Variants in MYLK4 observed in about 807,000 individuals in gnomAD.
MYLK4 encodes the protein caMLCK like.
MYLK4 carries 46 observed loss-of-function variants against 48.1 expected under a neutral mutation model. The observed-to-expected ratio is 0.96, with a 90% CI of 0.75 to 1.22. The LOEUF is 1.22. MYLK4 is among the 50% of genes most tolerant of loss of function. MYLK4 has a pLI of 0.00. For synonymous variants in MYLK4, 170 were observed against 180.8 expected (o/e 0.94, Z 0.48); for missense variants, 451 against 486.1 (o/e 0.93, Z 0.68).
chr6:2,762,057 T>G, the MYLK4 span, among the ~76,000 whole-genome samples: 24,706 of 151,980 alleles, frequency 0.16, 2,240 homozygotes, highest in South Asian at 0.24. Flanking sequence ...GACTACAGGC[T>G]CGCACCGCCA....
At chr6:2,707,601 T>C (rs1762538500) in intron 2 of MYLK4, among the ~76,000 whole-genome samples, 1 of 152,226 alleles carries the variant, frequency 6.6e-6, no homozygotes, top group Non-Finnish European at 1.5e-5. Flanking sequence ...TAAGTTCAGT[T>C]CCCAGGTAGA....
the MYLK4 span, among the ~76,000 whole-genome samples, chr6:2,762,158 CCT>C: frequency 6.6e-6 from 1 of 152,166 alleles, no homozygotes; most frequent in Non-Finnish European, 1.5e-5. Flanking sequence ...GATTCGCCCG[CCT>C]CAGCCTCCCA....
At chr6:2,765,199 TC>T in the MYLK4 span, among the ~76,000 whole-genome samples, 3 of 57,538 alleles carry the variant, frequency 5.2e-5, no homozygotes, top group South Asian at 6.7e-4. Flanking sequence ...CCCCCGCCCC[TC>T]CCCCGCCCCC....
At chr6:2,727,487 C>A (rs1030479969) in intron 2 of MYLK4, among the ~76,000 whole-genome samples, 2 of 152,088 alleles carry the variant, frequency 1.3e-5, no homozygotes, top group Non-Finnish European at 2.9e-5. Context: ...GGGAACCCCC[C>A]CAAAGACAGC....
intron 2 of MYLK4, chr6:2,744,075 T>A (rs1466587573): frequency 5.0e-6 from 2 of 398,830 alleles, no homozygotes; most frequent in Admixed American, 4.4e-5. Context: ...GGCTTATATG[T>A]TCCTTCCCTG....
At chr6:2,680,124 A>T (rs1761234461) in intron 8 of MYLK4, 97 bp downstream of exon 8, 1 of 1,341,434 alleles carries the variant, frequency 7.5e-7, no homozygotes, top group Admixed American at 2.5e-5. Context: ...AAATGAGATC[A>T]TGAAACCAAA....
the MYLK4 span, among the ~76,000 whole-genome samples, chr6:2,760,729 C>CA: frequency 1.3e-5 from 2 of 151,884 alleles, no homozygotes; most frequent in African/African-American, 4.8e-5. Context: ...AATAAATTAA[C>CA]AAAAAATCAA....
At chr6:2,693,810 T>G (rs865837822) in intron 2 of MYLK4, among the ~76,000 whole-genome samples, 2 of 146,140 alleles carry the variant, frequency 1.4e-5, no homozygotes, top group Non-Finnish European at 3.0e-5. Context: ...CAGGCTGGAG[T>G]GCAATGGCGC....
chr6:2,695,411 G>A (rs961913960), intron 2 of MYLK4, among the ~76,000 whole-genome samples: 1 of 152,198 alleles, frequency 6.6e-6, no homozygotes, highest in African/African-American at 2.4e-5. Context: ...TTGCCCCTGA[G>A]GCCATCTGAG....
intron 2 of MYLK4, among the ~76,000 whole-genome samples, chr6:2,734,438 G>A (rs77947348): frequency 0.061 from 9,213 of 152,182 alleles, 375 homozygotes; most frequent in Non-Finnish European, 0.092. Flanking sequence ...CCTCTCACCC[G>A]GGCTTATCTA....
intron 9 of MYLK4, 114 bp from the exon 10 acceptor site, chr6:2,678,486 C>A: frequency 2.6e-6 from 3 of 1,144,028 alleles, no homozygotes; most frequent in Non-Finnish European, 3.7e-6. Flanking sequence ...ATAACCTAAT[C>A]CTGAAGCATA....
chr6:2,696,656 A>T (rs1180843100), intron 2 of MYLK4, among the ~76,000 whole-genome samples: 1 of 152,276 alleles, frequency 6.6e-6, no homozygotes, highest in Non-Finnish European at 1.5e-5. Context: ...ATAGCAGCCC[A>T]AGCTAAGACA....
At chr6:2,708,235 T>G (rs949166671) in intron 2 of MYLK4, among the ~76,000 whole-genome samples, 28 of 152,342 alleles carry the variant, frequency 1.8e-4, no homozygotes, top group African/African-American at 6.7e-4. Context: ...ATATTCATAC[T>G]CAGAAATAAA....
rs1000643748 is a variant in MYLK4, at chr6:2,746,917, C to T, written c.159+2219G>A. On this transcript the variant is annotated intron_variant, in intron 2 of 12. Coordinates refer to ENST00000274643, the MANE Select transcript of MYLK4 (RefSeq NM_001012418.5). ...CAAGCCTGCTGGCTGCCCTGGCACC[C>T]ACCAACTAGGCAGGCAGGGGCTCCA... 1.1e-4 allele frequency among the ~76,000 whole-genome samples: 16 copies of T among 152,358 alleles called. 1 individual carries two copies. The South Asian group carries it at 3.1e-3, about 30-fold the overall frequency.
intron 1 of MYLK4, among the ~76,000 whole-genome samples, chr6:2,750,156 A>T (rs1299055142): frequency 6.6e-6 from 1 of 152,214 alleles, no homozygotes; most frequent in African/African-American, 2.4e-5. Flanking sequence ...CTAGTTCCGC[A>T]TGGCTGACAA....
At chr6:2,743,423 C>T (rs776222284) in intron 2 of MYLK4, among the ~76,000 whole-genome samples, 3 of 152,150 alleles carry the variant, frequency 2.0e-5, no homozygotes, top group Non-Finnish European at 2.9e-5. Context: ...GACTGAATTC[C>T]ATTCCTGGAA....
intron 2 of MYLK4, among the ~76,000 whole-genome samples, chr6:2,704,584 G>C (rs1477599678): frequency 6.6e-6 from 1 of 152,076 alleles, no homozygotes; most frequent in African/African-American, 2.4e-5. Context: ...TTCTGCATTG[G>C]CCGTAACTTC....
chr6:2,678,276 C>G lies in MYLK4; in HGVS notation c.984G>C (p.Gln328His). ...CRWDLEDEEF[Q>H]DISEEAKEFI... ...ACTCCTTGGCCTCCTCCGAGATGTC[C>G]TGAAATTCTTCATCCTCTAAGTCCC... Residue 328 changes from glutamine (Q) to histidine (H), a missense_variant, in exon 10 of 13, where the codon CAG becomes CAC. Transcript: ENST00000274643. The G allele has an allele frequency of 1.2e-6, 2 of 1,614,130 alleles. No homozygotes were observed. The highest frequency in any genetic ancestry group is 1.7e-6 in the Non-Finnish European group (2 of 1,180,020).
chr6:2,715,526 T>C (rs768259853), intron 2 of MYLK4, among the ~76,000 whole-genome samples: 1 of 152,182 alleles, frequency 6.6e-6, no homozygotes, highest in Non-Finnish European at 1.5e-5. Flanking sequence ...GAGAAAAGCG[T>C]GGTGTTAACA....
Sources: gnomAD v4.1 joint callset for allele counts (sites outside exome capture counted in the v4.1 genomes callset) on GRCh38, gnomAD v4.1.1 for gene constraint, MANE v1.5 for transcripts, NCBI Gene and HGNC (gene_info 2026-07-23, HGNC 2026-07-21) for gene names.